The following MACROD2 variants were observed in gnomAD, a reference collection of about 807,000 sequenced individuals.
The protein encoded by MACROD2 is ADP-ribose glycohydrolase MACROD2.
A neutral mutation model predicts 70.4 loss-of-function variants in MACROD2; 36 were observed. That is an observed-to-expected ratio of 0.51 (90% confidence interval 0.39 to 0.68). The LOEUF is 0.68. Among genes scored for constraint, MACROD2 ranks in the 30% least tolerant of loss-of-function variants. The probability of loss-of-function intolerance (pLI) is 0.00; values close to 1 mark genes in which losing one functional copy is unlikely to be tolerated. For missense variants in MACROD2, 496 were observed against 538.4 expected (o/e 0.92, Z 0.78); for synonymous variants, 172 against 178.8 (o/e 0.96, Z 0.30).
intron 4 of MACROD2, among the ~76,000 whole-genome samples, chr20:14,649,215 A>G (rs1029861204): frequency 6.6e-6 from 1 of 152,204 alleles, no homozygotes; most frequent in Non-Finnish European, 1.5e-5. Context: ...TTGTCCTGTC[A>G]TGGGTTCAGT....
intron 6 of MACROD2, among the ~76,000 whole-genome samples, chr20:15,354,496 A>G (rs2078264383): frequency 6.6e-6 from 1 of 152,242 alleles, no homozygotes; most frequent in Admixed American, 6.5e-5. Context: ...AACTTAAAGT[A>G]TAATAAACAA....
intron 5 of MACROD2, among the ~76,000 whole-genome samples, chr20:14,836,582 G>T (rs1407620261): frequency 6.6e-6 from 1 of 152,026 alleles, no homozygotes; most frequent in Admixed American, 6.6e-5. Flanking sequence ...TGAAGAGATA[G>T]AATTAAAATG....
At chr20:15,367,030 AT>A (rs35222848) in intron 6 of MACROD2, among the ~76,000 whole-genome samples, 406 of 137,130 alleles carry the variant, frequency 3.0e-3, no homozygotes, top group African/African-American at 3.9e-3. Flanking sequence ...AAAATTACTG[AT>A]TTTTTTTTTT....
At chr20:14,659,123 A>G (rs57247898) in intron 4 of MACROD2, among the ~76,000 whole-genome samples, 40,567 of 151,946 alleles carry the variant, frequency 0.27, 6,018 homozygotes, top group Non-Finnish European at 0.33. Context: ...ACACTGTGGG[A>G]ACCAAAGCCT....
chr20:15,759,152 A>AAAAAC (rs1435028061), intron 8 of MACROD2, among the ~76,000 whole-genome samples: 11 of 150,418 alleles, frequency 7.3e-5, no homozygotes, highest in African/African-American at 2.7e-4. Flanking sequence ...TCTCAAAAAA[A>AAAAAC]AAAAAAAAAA....
chr20:14,865,363 C>A (rs2073417248), intron 5 of MACROD2, among the ~76,000 whole-genome samples: 1 of 151,942 alleles, frequency 6.6e-6, no homozygotes, highest in African/African-American at 2.4e-5. Flanking sequence ...CTTTGGTAAT[C>A]CCTAGGTTGA....
At chr20:14,339,561 T>TA (rs1484249973) in intron 3 of MACROD2, among the ~76,000 whole-genome samples, 1 of 152,184 alleles carries the variant, frequency 6.6e-6, no homozygotes, top group Non-Finnish European at 1.5e-5. Context: ...AGGCAGGCCT[T>TA]AAACAGAAAA....
chr20:15,494,776 T>TGTGTGTGTGTGTGCGC (rs368522802), intron 7 of MACROD2, among the ~76,000 whole-genome samples: 5 of 131,980 alleles, frequency 3.8e-5, no homozygotes, highest in African/African-American at 1.4e-4. Flanking sequence ...CGTGTGTGTG[T>TGTGTGTGTGTGTGCGC]GCGCGCGTGT....
intron 5 of MACROD2, among the ~76,000 whole-genome samples, chr20:15,186,293 C>T (rs527572850): frequency 2.0e-4 from 30 of 152,230 alleles, no homozygotes; most frequent in South Asian, 8.3e-4. Context: ...AGTCAGCAGA[C>T]GAACTAGCAC....
At chr20:15,712,772 T>C (rs2050646780) in intron 8 of MACROD2, among the ~76,000 whole-genome samples, 1 of 152,212 alleles carries the variant, frequency 6.6e-6, no homozygotes, top group Non-Finnish European at 1.5e-5. Flanking sequence ...ATCCATATAC[T>C]AGCCCTTTGA....
intron 8 of MACROD2, among the ~76,000 whole-genome samples, chr20:15,811,510 T>C (rs972359823): frequency 7.9e-5 from 12 of 152,210 alleles, no homozygotes; most frequent in African/African-American, 2.9e-4. Context: ...CACTTTCCTA[T>C]TTAATTTTCT....
At chr20:14,528,240 G>T (rs1228989986) in intron 4 of MACROD2, among the ~76,000 whole-genome samples, 1 of 150,300 alleles carries the variant, frequency 6.7e-6, no homozygotes, top group Non-Finnish European at 1.5e-5. Flanking sequence ...CTCCCAAGTA[G>T]CTGGGATTAC....
chr20:14,289,311 C>T (rs1483869484), intron 3 of MACROD2, among the ~76,000 whole-genome samples: 5 of 152,150 alleles, frequency 3.3e-5, no homozygotes, highest in Admixed American at 3.3e-4. Flanking sequence ...AGTCTCCACA[C>T]CTATAATCTT....
chr20:14,317,221 A>G (rs539144570), intron 3 of MACROD2, among the ~76,000 whole-genome samples: 4 of 152,210 alleles, frequency 2.6e-5, no homozygotes, highest in African/African-American at 7.2e-5. Context: ...TTACCACCCA[A>G]TCTAAGTAGG....
chr20:15,977,952 C>T (rs1295743898), intron 13 of MACROD2, among the ~76,000 whole-genome samples: 1 of 152,162 alleles, frequency 6.6e-6, no homozygotes, highest in Non-Finnish European at 1.5e-5. Context: ...ACTTACTTTC[C>T]AGAGGTAATG....
chr20:16,013,205 G>A (rs756299382), intron 15 of MACROD2, among the ~76,000 whole-genome samples: 17 of 152,044 alleles, frequency 1.1e-4, no homozygotes, highest in African/African-American at 1.7e-4. Context: ...AGAAAGTTAC[G>A]TTAGTTATCA....
intron 4 of MACROD2, among the ~76,000 whole-genome samples, chr20:14,642,022 G>C (rs1985124833): frequency 1.3e-5 from 2 of 152,202 alleles, no homozygotes; most frequent in Admixed American, 6.5e-5. Context: ...ATAGAAGGCT[G>C]TTTTGTCTAG....
chr20:15,793,188 T>G (rs1056535570), intron 8 of MACROD2, among the ~76,000 whole-genome samples: 14 of 152,076 alleles, frequency 9.2e-5, no homozygotes, highest in Admixed American at 7.2e-4. Context: ...GATATTGAAC[T>G]CCGATTGCCT....
At chr20:14,625,540 G>A (rs576611764) in intron 4 of MACROD2, among the ~76,000 whole-genome samples, 2 of 152,178 alleles carry the variant, frequency 1.3e-5, no homozygotes, top group South Asian at 2.1e-4. Context: ...CACAATGATT[G>A]CATGAATGGA....
Sources: gnomAD v4.1 joint callset for allele counts (sites outside exome capture counted in the v4.1 genomes callset) on GRCh38, gnomAD v4.1.1 for gene constraint, MANE v1.5 for transcripts, NCBI Gene and HGNC (gene_info 2026-07-23, HGNC 2026-07-21) for gene names.